CD99L2: variants seen among roughly 807,000 people sequenced by gnomAD.
CD99L2 encodes the protein CD99 antigen-like protein 2.
In CD99L2, 24 loss-of-function variants were observed where a neutral mutation model predicts 27.3. That is an observed-to-expected ratio of 0.88 (90% CI 0.64 to 1.24). The LOEUF (loss-of-function observed/expected upper bound fraction) is 1.24. Among genes scored for constraint, CD99L2 ranks in the 50% most tolerant of loss-of-function variants. CD99L2 has a pLI of 0.00. For missense variants in CD99L2, 255 were observed against 221.6 expected (o/e 1.15, Z -0.96); for synonymous variants, 97 against 87.9 (o/e 1.10, Z -0.58).
intron 1 of CD99L2, among the ~76,000 whole-genome samples, chrX:150,871,233 C>T (rs781900501): frequency 1.8e-5 from 2 of 111,609 alleles, no homozygotes; most frequent in African/African-American, 6.5e-5. Context: ...TTACCTTCAA[C>T]CTCAAGCTGT....
At chrX:150,880,773 T>C (rs781900377) in intron 1 of CD99L2, among the ~76,000 whole-genome samples, 70 of 111,609 alleles carry the variant, frequency 6.3e-4, no homozygotes, top group African/African-American at 2.2e-3. Flanking sequence ...TTCTGTAGTT[T>C]AGAGGCAGTG....
At chrX:150,793,625 TG>T (rs1235107110) in intron 7 of CD99L2, 65 bp downstream of exon 7, 14 of 936,706 alleles carry the variant, frequency 1.5e-5, no homozygotes, top group Middle Eastern at 2.7e-4. Flanking sequence ...TCAATTAATC[TG>T]GTTGCTGCAT....
intron 5 of CD99L2, 47 bp downstream of exon 5, chrX:150,795,371 C>A: frequency 8.3e-7 from 1 of 1,204,972 alleles, no homozygotes; most frequent in Middle Eastern, 2.3e-4. Context: ...CAGAGGGAGC[C>A]CCATGGGATC....
chrX:150,814,387 C>T (rs2046119558), intron 4 of CD99L2, among the ~76,000 whole-genome samples: 2 of 111,704 alleles, frequency 1.8e-5, no homozygotes, highest in South Asian at 7.6e-4. Flanking sequence ...GGCCAGATTT[C>T]CTTCATATAC....
At chrX:150,890,018 A>T (rs72612727) in intron 1 of CD99L2, among the ~76,000 whole-genome samples, 32,702 of 108,034 alleles carry the variant, frequency 0.3, 4,088 homozygotes, top group African/African-American at 0.45. Flanking sequence ...CTGGGCGTGG[A>T]GGTGGGCGCC....
chrX:150,806,868 G>A (rs781966113), intron 4 of CD99L2, among the ~76,000 whole-genome samples: 1 of 109,945 alleles, frequency 9.1e-6, no homozygotes, highest in Non-Finnish European at 1.9e-5. Context: ...TCCAGCCTGG[G>A]CAACAAGAGC....
chrX:150,802,944 G>A (rs1557420139), intron 4 of CD99L2, among the ~76,000 whole-genome samples: 1 of 88,182 alleles, frequency 1.1e-5, no homozygotes, highest in African/African-American at 4.4e-5. Flanking sequence ...CGCCCAGGCT[G>A]GAGTGCAATA....
intron 7 of CD99L2, among the ~76,000 whole-genome samples, chrX:150,790,269 GTA>G (rs1356329652): frequency 9.1e-6 from 1 of 109,880 alleles, no homozygotes; most frequent in Non-Finnish European, 1.9e-5. Context: ...AAACTGTTCT[GTA>G]TGGTACTTGG....
rs782817130 is a variant in CD99L2 at position 150,795,318 on chromosome X, A to G, written c.347-29T>C. On this transcript the variant is annotated intron_variant, in intron 5 of 10. Coordinates refer to ENST00000370377, the MANE Select transcript of CD99L2 (RefSeq NM_031462.4). ...CATGGGGTCCCAAAATAAAAGAAAT[A>G]CTCAATTAGTTCATCTATGGGTAGC... The G allele has an allele frequency of 2.7e-5, 32 of 1,206,884 alleles. 1 individual carries two copies. Among genetic ancestry groups the G allele is most frequent in the Non-Finnish European group, 2.8e-5 (25 of 892,338 alleles).
intron 7 of CD99L2, among the ~76,000 whole-genome samples, chrX:150,787,926 A>ATATATATAT (rs2045625602): frequency 4.5e-4 from 41 of 90,843 alleles, no homozygotes; most frequent in African/African-American, 7.4e-4. Context: ...ATATATATAT[A>ATATATATAT]AAAGGAGTCC....
At chrX:150,787,039 TTTG>T (rs1416817542) in intron 7 of CD99L2, among the ~76,000 whole-genome samples, 4 of 112,245 alleles carry the variant, frequency 3.6e-5, no homozygotes, top group Non-Finnish European at 5.6e-5. Flanking sequence ...GTTCATGTCT[TTTG>T]CCCGCTTTTT....
At chrX:150,776,321 A>G (rs1557419259) in intron 8 of CD99L2, 28 bp from the exon 9 acceptor site, 2 of 1,181,230 alleles carry the variant, frequency 1.7e-6, no homozygotes, top group South Asian at 3.8e-5. Flanking sequence ...AGAAATGAGG[A>G]CAGGTGAGGT....
At chrX:150,853,739 C>G (rs782065487) in intron 1 of CD99L2, among the ~76,000 whole-genome samples, 7 of 111,742 alleles carry the variant, frequency 6.3e-5, no homozygotes, top group Non-Finnish European at 9.4e-5. Flanking sequence ...AGTGATAAGC[C>G]TTTTCTACAG....
At chrX:150,815,069 T>A in intron 3 of CD99L2, 133 bp from the exon 4 acceptor site, 2 of 567,708 alleles carry the variant, frequency 3.5e-6, no homozygotes, top group South Asian at 6.9e-5. Context: ...GAGACTTATA[T>A]TGGAATCCAA....
intron 7 of CD99L2, among the ~76,000 whole-genome samples, chrX:150,789,650 C>T (rs2045655726): frequency 2.7e-5 from 3 of 111,317 alleles, no homozygotes; most frequent in African/African-American, 9.8e-5. Flanking sequence ...ATTGGGAGGC[C>T]AAGGCAGAAG....
intron 1 of CD99L2, among the ~76,000 whole-genome samples, chrX:150,844,812 A>G (rs2046675522): frequency 9.0e-6 from 1 of 111,426 alleles, no homozygotes; most frequent in East Asian, 2.8e-4. Flanking sequence ...ATCCACCTGC[A>G]GTGGCCATAA....
Position 150,793,870 on chromosome X carries a change from C to T in CD99L2, c.431-114G>A, listed in dbSNP as rs1405221108. ...TGATTCCCAGTTCCACTTAAGAATG[C>T]CCTTCATGAAATTCTAAGAGGTCCC... On this transcript the variant is annotated intron_variant, in intron 6 of 10. Transcript: ENST00000370377. 19 of 564,977 alleles carry T rather than the reference C, an allele frequency of 3.4e-5. 1 individual carries two copies. The highest frequency in any genetic ancestry group is 7.6e-5 in the East Asian group (2 of 26,191). 46.6% of individuals were successfully genotyped at this position (564,977 alleles called of 1,213,427 possible).
intron 1 of CD99L2, among the ~76,000 whole-genome samples, chrX:150,890,026 G>A (rs1431259275): frequency 8.2e-5 from 9 of 109,947 alleles, no homozygotes; most frequent in African/African-American, 1.0e-4. Flanking sequence ...GGAGGTGGGC[G>A]CCTGTAGTCC....
At chrX:150,896,393 G>A (rs1419369583) in intron 1 of CD99L2, among the ~76,000 whole-genome samples, 7 of 112,040 alleles carry the variant, frequency 6.2e-5, no homozygotes, top group African/African-American at 2.3e-4. Flanking sequence ...GCTAGACTCC[G>A]TCTCAAAAAA....
Sources: gnomAD v4.1 joint callset for allele counts (sites outside exome capture counted in the v4.1 genomes callset) on GRCh38, gnomAD v4.1.1 for gene constraint, MANE v1.5 for transcripts, NCBI Gene and HGNC (gene_info 2026-07-23, HGNC 2026-07-21) for gene names.